Variants in RFX3 observed in about 807,000 individuals in gnomAD.
The protein encoded by RFX3 is regulatory factor X3.
A neutral mutation model predicts 98.6 loss-of-function variants in RFX3; 14 were observed. That is an observed-to-expected ratio of 0.14 (90% CI 0.09 to 0.22). The LOEUF (loss-of-function observed/expected upper bound fraction) is 0.22, where lower values mean the gene tolerates loss of function less well. RFX3 is among the 10% of genes least tolerant of loss of function. The pLI, the probability that RFX3 is intolerant of heterozygous loss-of-function variation, is 1.00. For missense variants in RFX3, 639 were observed against 926.9 expected, an observed-to-expected ratio of 0.69 and a Z score of 4.03; for synonymous variants, 383 against 328.4, an observed-to-expected ratio of 1.17 and a Z score of -1.80.
intron 6 of RFX3, among the ~76,000 whole-genome samples, chr9:3,288,832 C>A (rs775043297): frequency 2.0e-5 from 3 of 151,956 alleles, no homozygotes; most frequent in African/African-American, 7.2e-5. Flanking sequence ...AGAAAGTAAG[C>A]CTTTAATCTG....
intron 4 of RFX3, among the ~76,000 whole-genome samples, chr9:3,314,442 T>A (rs1443915685): frequency 6.6e-6 from 1 of 152,160 alleles, no homozygotes; most frequent in African/African-American, 2.4e-5. Context: ...AGACCATCGA[T>A]GCTAGGAAGA....
chr9:3,372,996 T>C (rs931384342), intron 2 of RFX3, among the ~76,000 whole-genome samples: 11 of 152,208 alleles, frequency 7.2e-5, no homozygotes, highest in African/African-American at 2.4e-4. Flanking sequence ...CCATCTTTCA[T>C]TGTTATAATA....
intron 4 of RFX3, among the ~76,000 whole-genome samples, chr9:3,308,597 G>A (rs1829602642): frequency 6.6e-6 from 1 of 152,132 alleles, no homozygotes; most frequent in Non-Finnish European, 1.5e-5. Flanking sequence ...CATATTAGCA[G>A]GAACATGAAA....
chr9:3,505,182 A>ATATATATGAATATATATT (rs1564186599), intron 1 of RFX3, among the ~76,000 whole-genome samples: 1 of 94,842 alleles, frequency 1.1e-5, no homozygotes, highest in African/African-American at 4.6e-5. Flanking sequence ...TCATATAAAT[A>ATATATATGAATATATATT]TATATATGAA....
chr9:3,405,185 T>C (rs1841843711), intron 1 of RFX3, among the ~76,000 whole-genome samples: 1 of 152,138 alleles, frequency 6.6e-6, no homozygotes, highest in African/African-American at 2.4e-5. Context: ...AGAAGTTTAA[T>C]TGCGTCCCTT....
intron 1 of RFX3, chr9:3,400,361 G>C (rs751226729): frequency 1.7e-5 from 4 of 232,820 alleles, no homozygotes; most frequent in Non-Finnish European, 2.8e-5. Context: ...GAGAGTCACG[G>C]AGAACTTTCC....
intron 1 of RFX3, among the ~76,000 whole-genome samples, chr9:3,438,087 G>A (rs967092317): frequency 5.3e-5 from 8 of 152,004 alleles, no homozygotes; most frequent in African/African-American, 1.4e-4. Context: ...CCATATGATC[G>A]TAAATAAGCA....
At chr9:3,326,338 T>C (rs1045865784) in intron 4 of RFX3, among the ~76,000 whole-genome samples, 18 of 152,202 alleles carry the variant, frequency 1.2e-4, no homozygotes, top group Non-Finnish European at 1.9e-4. Flanking sequence ...TTATAAACTT[T>C]TATTTTAAGT....
intron 6 of RFX3, 87 bp downstream of exon 6, chr9:3,292,990 A>C (rs1015810738): frequency 1.7e-5 from 18 of 1,039,480 alleles, no homozygotes; most frequent in East Asian, 9.8e-5. Context: ...ATTGTCTGTA[A>C]TCAAGTACTT....
chr9:3,323,627 T>G (rs1395451620), intron 4 of RFX3, among the ~76,000 whole-genome samples: 1 of 152,200 alleles, frequency 6.6e-6, no homozygotes, highest in African/African-American at 2.4e-5. Context: ...ATCTAGATCT[T>G]GTATGACATA....
chr9:3,347,138 C>T (rs1262443225), intron 2 of RFX3, among the ~76,000 whole-genome samples: 9 of 151,882 alleles, frequency 5.9e-5, no homozygotes, highest in Non-Finnish European at 8.8e-5. Context: ...CTGGGCAACA[C>T]GGTGAAACCC....
At chr9:3,391,324 TAAGAAAAAAA>T (rs1016984261) in intron 2 of RFX3, among the ~76,000 whole-genome samples, 2 of 150,838 alleles carry the variant, frequency 1.3e-5, no homozygotes, top group African/African-American at 2.4e-5. Flanking sequence ...CTATTCTACT[TAAGAAAAAAA>T]AAGAAAAATA....
intron 1 of RFX3, among the ~76,000 whole-genome samples, chr9:3,480,176 GT>G (rs1787779669): frequency 6.6e-6 from 1 of 152,208 alleles, no homozygotes; most frequent in Non-Finnish European, 1.5e-5. Context: ...CAACTAGGCA[GT>G]TCTTACAGTC....
chr9:3,371,400 CCG>C (rs1837831321), intron 2 of RFX3, among the ~76,000 whole-genome samples: 1 of 152,100 alleles, frequency 6.6e-6, no homozygotes, highest in South Asian at 2.1e-4. Context: ...ATAAGTGTTT[CCG>C]CTTACGCAGC....
intron 15 of RFX3, among the ~76,000 whole-genome samples, chr9:3,230,092 TTAC>T (rs1451451695): frequency 6.6e-6 from 1 of 152,166 alleles, no homozygotes; most frequent in Non-Finnish European, 1.5e-5. Flanking sequence ...CAGATTTTAT[TTAC>T]TACACTTGGT....
intron 2 of RFX3, among the ~76,000 whole-genome samples, chr9:3,371,460 A>G (rs539337740): frequency 6.6e-6 from 1 of 152,312 alleles, no homozygotes; most frequent in South Asian, 2.1e-4. Flanking sequence ...TAGATATGCT[A>G]TGACTTTGGG....
intron 1 of RFX3, among the ~76,000 whole-genome samples, chr9:3,478,805 T>G (rs892550310): frequency 6.6e-6 from 1 of 152,224 alleles, no homozygotes; most frequent in African/African-American, 2.4e-5. Context: ...TTTAAATTCC[T>G]GGCCAGATTC....
intron 1 of RFX3, among the ~76,000 whole-genome samples, chr9:3,468,419 G>T (rs942431464): frequency 2.6e-5 from 4 of 152,110 alleles, no homozygotes; most frequent in Admixed American, 6.5e-5. Flanking sequence ...TTCATTTCAT[G>T]AATCTGCTCT....
chr9:3,390,572 C>T (rs1384421213), intron 2 of RFX3, among the ~76,000 whole-genome samples: 3 of 152,270 alleles, frequency 2.0e-5, no homozygotes, highest in Non-Finnish European at 4.4e-5. Context: ...GTAATTCCCA[C>T]AATTCCCACA....
Sources: allele counts gnomAD v4.1 joint callset (sites outside exome capture counted in the v4.1 genomes callset), GRCh38; gene constraint gnomAD v4.1.1; transcripts MANE v1.5; gene names NCBI Gene and HGNC (gene_info 2026-07-23, HGNC 2026-07-21).